Variants in DYNC1I1 observed in about 807,000 individuals in gnomAD.
The protein encoded by DYNC1I1 is dynein cytoplasmic 1 intermediate chain 1, also known as cytoplasmic dynein 1 intermediate chain 1.
A neutral mutation model predicts 86.6 loss-of-function variants in DYNC1I1; 43 were observed. That is an observed-to-expected ratio of 0.50 (90% CI 0.39 to 0.64). The LOEUF (loss-of-function observed/expected upper bound fraction) is 0.64. Among genes scored for constraint, DYNC1I1 ranks in the 30% least tolerant of loss-of-function variants. DYNC1I1 has a pLI of 0.00. For missense variants in DYNC1I1, 604 were observed against 788.8 expected, an observed-to-expected ratio of 0.77 and a Z score of 2.81; for synonymous variants, 262 against 283.7, an observed-to-expected ratio of 0.92 and a Z score of 0.77.
At chr7:95,948,459 G>A (rs1792464700) in intron 6 of DYNC1I1, among the ~76,000 whole-genome samples, 1 of 152,092 alleles carries the variant, frequency 6.6e-6, no homozygotes, top group Non-Finnish European at 1.5e-5. Flanking sequence ...CATTATTGAG[G>A]TCCCAAGAAC....
intron 5 of DYNC1I1, among the ~76,000 whole-genome samples, chr7:95,867,191 A>T (rs2116152352): frequency 6.6e-6 from 1 of 152,348 alleles, no homozygotes; most frequent in Non-Finnish European, 1.5e-5. Flanking sequence ...TCTTTAATGT[A>T]GGACACTCCT....
At chr7:95,902,779 G>A (rs1272880044) in intron 6 of DYNC1I1, among the ~76,000 whole-genome samples, 1 of 152,022 alleles carries the variant, frequency 6.6e-6, no homozygotes, top group Non-Finnish European at 1.5e-5. Flanking sequence ...TCCCCCCAGC[G>A]TAGGGAGTTC....
chr7:95,988,428 A>G (rs1436161397), intron 9 of DYNC1I1, among the ~76,000 whole-genome samples: 2 of 152,212 alleles, frequency 1.3e-5, no homozygotes. Context: ...CGTAGAAAAG[A>G]AGTCTAAGCC....
At position 95,987,072 on chromosome 7, in the gene DYNC1I1, G is replaced by T; in HGVS notation, c.760G>T (p.Ala254Ser). The change falls in exon 9 of 17, where the codon GCC becomes TCC. Residue 254 changes from alanine (A) to serine (S), a missense_variant. Physicochemically the swap from Ala to Ser is moderately conservative, Grantham distance 99. Transcript: ENST00000447467. ...EEKDGDVQAGANLSFNRQFYD... is the reference protein window; with the variant it reads ...EEKDGDVQAGSNLSFNRQFYD... ...TCCTCCTAGGGATGTTCAGGCTGGAGCCAATCTTTCTTTCAATCGTCAGTT... is the reference window on the plus strand; with the variant it reads ...TCCTCCTAGGGATGTTCAGGCTGGATCCAATCTTTCTTTCAATCGTCAGTT... 2 of 1,613,872 alleles carry T rather than the reference G, an allele frequency of 1.2e-6. No individual in the cohort carries two copies. Among genetic ancestry groups the T allele is most frequent in the Non-Finnish European group, 1.7e-6 (2 of 1,179,862 alleles).
chr7:96,104,891 G>A (rs552681704), intron 16 of DYNC1I1, among the ~76,000 whole-genome samples: 292 of 152,036 alleles, frequency 1.9e-3, no homozygotes, highest in African/African-American at 6.7e-3. Context: ...TAGAATGATT[G>A]TGGAATTCTT....
At chr7:96,006,894 A>G (rs576985322) in intron 10 of DYNC1I1, among the ~76,000 whole-genome samples, 10 of 152,288 alleles carry the variant, frequency 6.6e-5, no homozygotes, top group African/African-American at 2.2e-4. Context: ...AGAGATAAGA[A>G]TATTTGGTTG....
chr7:95,994,831 C>A (rs1793818029), intron 9 of DYNC1I1, among the ~76,000 whole-genome samples: 1 of 152,124 alleles, frequency 6.6e-6, no homozygotes, highest in South Asian at 2.1e-4. Flanking sequence ...AAGCTGCTGC[C>A]TTCATCCAGA....
chr7:95,884,505 A>G lies in DYNC1I1; in HGVS notation c.490+14507A>G, dbSNP rs1402725582. The stretch of plus-strand genomic sequence containing the variant: ...GTAGCCTTCCAGTGAGCAAGGAAGG[A>G]AACAATGAACTTTCCATGGGAAGAG... On this transcript the variant is annotated intron_variant, in intron 6 of 16. Transcript: ENST00000447467. Among the ~76,000 whole-genome samples, 3 of 152,194 alleles carry G rather than the reference A, an allele frequency of 2.0e-5. No homozygotes were observed. In the East Asian group the frequency reaches 5.8e-4, roughly 29 times the overall value.
rs551844292 is a variant in DYNC1I1 at position 95,950,048 on chromosome 7, C to T, written c.491-27464C>T. On this transcript the variant is annotated intron_variant, in intron 6 of 16. Transcript: ENST00000447467. ...ATATTAGAAATCTTTTATTTTTAGACGTATTCACTTTGAATTCTTTCCTTT... is the reference window on the plus strand; with the variant it reads ...ATATTAGAAATCTTTTATTTTTAGATGTATTCACTTTGAATTCTTTCCTTT... 3.3e-5 allele frequency among the ~76,000 whole-genome samples: 5 copies of T among 151,824 alleles called. No homozygotes were observed. The South Asian group carries it at 6.2e-4, about 19-fold the overall frequency.
intron 7 of DYNC1I1, among the ~76,000 whole-genome samples, chr7:95,982,104 C>T (rs1259753443): frequency 6.6e-6 from 1 of 152,086 alleles, no homozygotes; most frequent in Admixed American, 6.6e-5. Flanking sequence ...TATTGAACAA[C>T]ACTTATCAAT....
At chr7:96,102,951 A>G (rs889375366), downstream of DYNC1I1, among the ~76,000 whole-genome samples, 2 of 152,182 alleles carry the variant, frequency 1.3e-5, no homozygotes, top group African/African-American at 4.8e-5. Context: ...CAGCCCTACC[A>G]ACTCATAAAG....
chr7:95,817,539 A>G (rs1349707416), intron 4 of DYNC1I1, among the ~76,000 whole-genome samples: 2 of 152,214 alleles, frequency 1.3e-5, no homozygotes, highest in East Asian at 3.8e-4. Context: ...TTTAGCAATT[A>G]TTATAATTTT....
intron 1 of DYNC1I1, 63 bp from the exon 2 acceptor site, chr7:95,804,658 T>C: frequency 7.0e-7 from 1 of 1,438,656 alleles, no homozygotes; most frequent in Non-Finnish European, 9.2e-7. Context: ...AAAATGATTT[T>C]TGCAATGATA....
intron 6 of DYNC1I1, among the ~76,000 whole-genome samples, chr7:95,957,657 G>A (rs1282374975): frequency 6.6e-6 from 1 of 152,172 alleles, no homozygotes; most frequent in Non-Finnish European, 1.5e-5. Flanking sequence ...TCAGGATTGG[G>A]GAAGTGACTC....
At chr7:95,826,923 A>G (rs1795214380) in intron 4 of DYNC1I1, among the ~76,000 whole-genome samples, 1 of 152,220 alleles carries the variant, frequency 6.6e-6, no homozygotes, top group Non-Finnish European at 1.5e-5. Flanking sequence ...ATAAGTTACC[A>G]TATAAGCTAC....
At chr7:96,037,281 A>C (rs1794947755) in intron 13 of DYNC1I1, among the ~76,000 whole-genome samples, 1 of 152,244 alleles carries the variant, frequency 6.6e-6, no homozygotes. Flanking sequence ...TTATCAAAGC[A>C]TAAAAATATT....
chr7:95,881,719 G>A (rs902335380), intron 6 of DYNC1I1, among the ~76,000 whole-genome samples: 6 of 152,232 alleles, frequency 3.9e-5, no homozygotes, highest in Non-Finnish European at 8.8e-5. Flanking sequence ...ATGGCTCAAA[G>A]CAAGTGAGAA....
intron 10 of DYNC1I1, among the ~76,000 whole-genome samples, chr7:96,006,462 G>A (rs1434325858): frequency 6.6e-6 from 1 of 152,116 alleles, no homozygotes; most frequent in Non-Finnish European, 1.5e-5. Context: ...TCAAATTTGT[G>A]AATATTTAGC....
chr7:95,831,784 A>G (rs879660473), intron 5 of DYNC1I1, among the ~76,000 whole-genome samples: 1 of 151,962 alleles, frequency 6.6e-6, no homozygotes, highest in Non-Finnish European at 1.5e-5. Context: ...TGGTCATCTT[A>G]TGTCTTCTTT....
Sources: allele counts gnomAD v4.1 joint callset (sites outside exome capture counted in the v4.1 genomes callset), GRCh38; gene constraint gnomAD v4.1.1; transcripts MANE v1.5; gene names NCBI Gene and HGNC (gene_info 2026-07-23, HGNC 2026-07-21).